Variants in CNOT4 observed in about 807,000 individuals in gnomAD.
CNOT4 encodes the protein CCR4-NOT transcription complex subunit 4.
A neutral mutation model predicts 73.8 loss-of-function variants in CNOT4; 8 were observed. The ratio of observed to expected loss-of-function variants is 0.11; its 90% confidence interval spans 0.06 to 0.20. The LOEUF (loss-of-function observed/expected upper bound fraction) is 0.20, where lower values mean the gene tolerates loss of function less well. Among genes scored for constraint, CNOT4 ranks in the 10% least tolerant of loss-of-function variants. CNOT4 has a pLI of 1.00. For synonymous variants in CNOT4, 293 were observed against 321.1 expected, an observed-to-expected ratio of 0.91 and a Z score of 0.94; for missense variants, 564 against 883.4, an observed-to-expected ratio of 0.64 and a Z score of 4.58.
At chr7:135,494,341 G>A (rs940468794) in intron 1 of CNOT4, among the ~76,000 whole-genome samples, 4 of 151,604 alleles carry the variant, frequency 2.6e-5, no homozygotes, top group Non-Finnish European at 5.9e-5. Flanking sequence ...ATGGTAGTGC[G>A]CGCCTGTAAT....
At chr7:135,410,482 G>C (rs768142540) in intron 7 of CNOT4, 33 bp downstream of exon 7, 5 of 1,348,008 alleles carry the variant, frequency 3.7e-6, no homozygotes, top group Non-Finnish European at 5.0e-6. Context: ...TGATAAGAAG[G>C]TAAGATGTCT....
chr7:135,476,792 C>A (rs760529632), intron 1 of CNOT4, among the ~76,000 whole-genome samples: 1 of 152,020 alleles, frequency 6.6e-6, no homozygotes, highest in African/African-American at 2.4e-5. Context: ...GGCAATACAG[C>A]GAAATCCCAT....
At chr7:135,489,833 A>C (rs1490245518) in intron 1 of CNOT4, among the ~76,000 whole-genome samples, 1 of 152,246 alleles carries the variant, frequency 6.6e-6, no homozygotes, top group African/African-American at 2.4e-5. Context: ...TATAATCTAA[A>C]AGAATGCAAA....
chr7:135,474,045 T>C (rs1193729464), intron 1 of CNOT4, among the ~76,000 whole-genome samples: 1 of 149,378 alleles, frequency 6.7e-6, no homozygotes, highest in Non-Finnish European at 1.5e-5. Context: ...AATGGTGCAA[T>C]CTCAGCTCAC....
intron 2 of CNOT4, among the ~76,000 whole-genome samples, chr7:135,436,250 A>T (rs1799147750): frequency 6.6e-6 from 1 of 151,818 alleles, no homozygotes; most frequent in African/African-American, 2.4e-5. Context: ...TAATCTCTTA[A>T]GATTGAAATG....
intron 1 of CNOT4, among the ~76,000 whole-genome samples, chr7:135,459,443 T>G (rs1800740629): frequency 6.6e-6 from 1 of 152,224 alleles, no homozygotes; most frequent in Non-Finnish European, 1.5e-5. Context: ...TCAAATCTTT[T>G]TCTCTTATAC....
chr7:135,494,758 G>A (rs189056684), intron 1 of CNOT4, among the ~76,000 whole-genome samples: 1 of 152,214 alleles, frequency 6.6e-6, no homozygotes, highest in East Asian at 1.9e-4. Flanking sequence ...AAAGGGGCCT[G>A]AAATCCAAGT....
chr7:135,483,360 C>T (rs1046383029), intron 1 of CNOT4, among the ~76,000 whole-genome samples: 3 of 151,134 alleles, frequency 2.0e-5, no homozygotes, highest in African/African-American at 7.3e-5. Flanking sequence ...AAAAATAAAG[C>T]AATATATTAA....
chr7:135,422,566 A>G (rs1188261310), intron 2 of CNOT4, among the ~76,000 whole-genome samples: 1 of 152,194 alleles, frequency 6.6e-6, no homozygotes, highest in Non-Finnish European at 1.5e-5. Flanking sequence ...CTTAGCACAG[A>G]CCACTTTTAG....
At position 135,395,897 on chromosome 7, in the gene CNOT4, GA is replaced by G; in HGVS notation, c.880-15del. 1.3e-6 allele frequency: 2 copies of G among 1,576,626 alleles called. No individual in the cohort carries two copies. Among genetic ancestry groups the G allele is most frequent in the Non-Finnish European group, 8.7e-7 (1 of 1,147,712 alleles). The stretch of plus-strand genomic sequence containing the variant: ...ACTGTTAGATATCTGAATAAAAAAG[GA>G]AAACAAATAATAACTACATGTTTAT... On this transcript the variant is annotated splice_polypyrimidine_tract_variant and intron_variant, in intron 8 of 11. Coordinates refer to ENST00000541284, the MANE Select transcript of CNOT4 (RefSeq NM_001190850.2).
intron 10 of CNOT4, among the ~76,000 whole-genome samples, chr7:135,383,578 T>C (rs1333817545): frequency 6.6e-6 from 1 of 152,220 alleles, no homozygotes; most frequent in African/African-American, 2.4e-5. Context: ...CTTTCTACAA[T>C]TCTCTCTCAC....
rs1347255264 is a variant in CNOT4 at position 135,395,931 on chromosome 7, A to C, written c.880-48T>G. On this transcript the variant is annotated intron_variant, in intron 8 of 11. Coordinates refer to ENST00000541284, the MANE Select transcript of CNOT4 (RefSeq NM_001190850.2). ...TAATAACTACATGTTTATACATTTT[A>C]ATAAGCCACAATTAAAAAGTTTGCA... The C allele has an allele frequency of 2.3e-6, 3 of 1,328,770 alleles. No individual in the cohort carries two copies. In the Admixed American group the frequency reaches 5.5e-5, roughly 25 times the overall value. The allele number at this position is 1,328,770 out of a possible 1,614,324, so 82.3% of individuals were successfully genotyped here.
intron 2 of CNOT4, among the ~76,000 whole-genome samples, chr7:135,434,125 C>T (rs539877375): frequency 2.2e-4 from 33 of 152,162 alleles, no homozygotes; most frequent in Non-Finnish European, 4.6e-4. Context: ...ACAGCATGGC[C>T]TCTGTAGACC....
intron 10 of CNOT4, among the ~76,000 whole-genome samples, chr7:135,380,812 T>A (rs761928472): frequency 3.2e-4 from 48 of 152,200 alleles, no homozygotes; most frequent in Non-Finnish European, 1.9e-4. Flanking sequence ...TTGTTTATTA[T>A]CATCATTGTT....
chr7:135,447,256 A>G (rs1420412311), intron 1 of CNOT4, among the ~76,000 whole-genome samples: 1 of 152,262 alleles, frequency 6.6e-6, no homozygotes, highest in African/African-American at 2.4e-5. Flanking sequence ...ACTAAAGAGT[A>G]GCTATGAACA....
chr7:135,470,828 G>GT (rs1457432842), intron 1 of CNOT4, among the ~76,000 whole-genome samples: 2 of 152,156 alleles, frequency 1.3e-5, no homozygotes, highest in Non-Finnish European at 1.5e-5. Context: ...TGGGAGACAG[G>GT]TATTGAGTAG....
At chr7:135,444,457 C>T (rs1374608964) in intron 1 of CNOT4, 17 of 775,566 alleles carry the variant, frequency 2.2e-5, no homozygotes, top group African/African-American at 3.4e-5. Context: ...AACGAGATGG[C>T]GGTTCTCTGG....
chr7:135,501,590 A>G (rs1246005904), intron 1 of CNOT4, among the ~76,000 whole-genome samples: 5 of 152,160 alleles, frequency 3.3e-5, no homozygotes, highest in Non-Finnish European at 7.3e-5. Flanking sequence ...TATGCTGCAC[A>G]CTATTGAACG....
chr7:135,425,477 T>C (rs368783784), intron 2 of CNOT4, among the ~76,000 whole-genome samples: 16 of 152,346 alleles, frequency 1.1e-4, no homozygotes, highest in African/African-American at 3.6e-4. Flanking sequence ...GTTATATTGT[T>C]CTCTTAGTCT....
Sources: allele counts gnomAD v4.1 joint callset (sites outside exome capture counted in the v4.1 genomes callset), GRCh38; gene constraint gnomAD v4.1.1; transcripts MANE v1.5; gene names NCBI Gene and HGNC (gene_info 2026-07-23, HGNC 2026-07-21).